The following ZFHX4 variants were observed in gnomAD, a reference collection of about 807,000 sequenced individuals.
The protein encoded by ZFHX4 is zinc finger homeobox protein 4.
In ZFHX4, 56 loss-of-function variants were observed where a neutral mutation model predicts 267.6. That is an observed-to-expected ratio of 0.21 (90% CI 0.17 to 0.26). The LOEUF is 0.26. Among genes scored for constraint, ZFHX4 ranks in the 10% least tolerant of loss-of-function variants. The pLI is 1.00. For missense variants in ZFHX4, 4,332 were observed against 4,420.0 expected, an observed-to-expected ratio of 0.98 and a Z score of 0.56; for synonymous variants, 1,778 against 1,665.6, an observed-to-expected ratio of 1.07 and a Z score of -1.64.
intron 4 of ZFHX4, among the ~76,000 whole-genome samples, chr8:76,829,942 C>T (rs1431599550): frequency 2.0e-5 from 3 of 151,898 alleles, no homozygotes; most frequent in East Asian, 1.9e-4. Context: ...CAAAAATGAA[C>T]GCTAGAAATA....
At chr8:76,692,775 A>G (rs1212963825) in intron 1 of ZFHX4, among the ~76,000 whole-genome samples, 6 of 152,256 alleles carry the variant, frequency 3.9e-5, no homozygotes. Flanking sequence ...TTATAATTTT[A>G]TGGGAAATCT....
At chr8:76,725,628 C>T (rs900393227) in intron 3 of ZFHX4, among the ~76,000 whole-genome samples, 2 of 152,224 alleles carry the variant, frequency 1.3e-5, no homozygotes, top group East Asian at 1.9e-4. Flanking sequence ...TGATCGTTAC[C>T]AGTTGATATA....
At chr8:76,728,783 C>G (rs1487210536) in intron 3 of ZFHX4, among the ~76,000 whole-genome samples, 1 of 152,062 alleles carries the variant, frequency 6.6e-6, no homozygotes, top group African/African-American at 2.4e-5. Context: ...GAAGTGATTA[C>G]CCTGAATTAT....
At position 76,704,539 on chromosome 8, in the gene ZFHX4, A is replaced by C. The variant is rs1387983188; in HGVS notation, c.451A>C (p.Asn151His). Reference sequence around the variant, plus strand: ...TGAGGACTCCAAAGAAAGTGGGCAGAATGCACAGACTGGGGCAAATAGCAA... The same window carrying C: ...TGAGGACTCCAAAGAAAGTGGGCAGCATGCACAGACTGGGGCAAATAGCAA... ...IIEDSKESGQ[N>H]AQTGANSKLF... Residue 151 changes from asparagine (N) to histidine (H), a missense_variant, in exon 2 of 11, where the codon AAT becomes CAT. Asn to His is a moderately conservative substitution (Grantham distance 68). This residue lies in a region of ZFHX4 where 1,195 missense variants were observed against 1,173.6 expected (regional missense o/e 1.02). Coordinates refer to ENST00000651372, the MANE Select transcript of ZFHX4 (RefSeq NM_024721.5). The C allele has an allele frequency of 6.2e-7, 1 of 1,614,010 alleles. No individual in the cohort carries two copies. The highest frequency in any genetic ancestry group is 1.1e-5 in the South Asian group (1 of 91,082).
At chr8:76,737,285 A>G (rs1315813416) in intron 3 of ZFHX4, among the ~76,000 whole-genome samples, 1 of 152,116 alleles carries the variant, frequency 6.6e-6, no homozygotes, top group East Asian at 1.9e-4. Context: ...AAATATTTCG[A>G]CTTTAAGAAA....
Position 76,747,813 on chromosome 8 carries a change from A to AC in ZFHX4, c.3094-30392dup, listed in dbSNP as rs530397338. Among the ~76,000 whole-genome samples the AC allele has an allele frequency of 4.9e-3, 750 of 152,028 alleles. 9 individuals are homozygous for AC. Among genetic ancestry groups the AC allele is most frequent in the African/African-American group, 0.017 (712 of 41,502 alleles). On this transcript the variant is annotated intron_variant, in intron 3 of 10. Coordinates refer to ENST00000651372, the MANE Select transcript of ZFHX4 (RefSeq NM_024721.5). ...TGGGCGTGGTGGCAAGCACCTGTAA[A>AC]CCCAGCTACTCAGGAGGCTGAAGCA...
intron 3 of ZFHX4, among the ~76,000 whole-genome samples, chr8:76,713,525 G>A (rs59808498): frequency 0.014 from 2,106 of 151,950 alleles, 45 homozygotes; most frequent in African/African-American, 0.048. Flanking sequence ...CAACGCCACC[G>A]TCTGCCTACA....
intron 3 of ZFHX4, among the ~76,000 whole-genome samples, chr8:76,744,612 C>T (rs147855651): frequency 0.012 from 1,825 of 151,964 alleles, 20 homozygotes; most frequent in Middle Eastern, 0.02. Context: ...AGGGTTTCAC[C>T]GTGTTGGCCA....
intron 3 of ZFHX4, among the ~76,000 whole-genome samples, chr8:76,745,295 A>G (rs1563497451): frequency 2.0e-5 from 3 of 152,170 alleles, no homozygotes; most frequent in Non-Finnish European, 4.4e-5. Flanking sequence ...GGAAAGCTAT[A>G]TTTTTTTGCC....
rs1808320467 is a variant in ZFHX4, at chr8:76,707,868, T to C, written c.2913T>C (p.Tyr971=). 1 of 1,614,054 alleles carries C rather than the reference T, an allele frequency of 6.2e-7. No individual in the cohort carries two copies. Among genetic ancestry groups the C allele is most frequent in the Non-Finnish European group, 8.5e-7 (1 of 1,179,946 alleles). The change falls in exon 3 of 11, where the codon TAT becomes TAC. Residue 971 remains tyrosine, a synonymous_variant. Coordinates refer to ENST00000651372, the MANE Select transcript of ZFHX4 (RefSeq NM_024721.5). ...HCKTDKHMQK[Y]QLVAHIKEGG... The stretch of plus-strand genomic sequence containing the variant: ...AGACTGATAAACATATGCAGAAATA[T>C]CAACTGGTGGCTCACATTAAAGAAG...
At chr8:76,857,493 C>G (rs950818709) in intron 10 of ZFHX4, among the ~76,000 whole-genome samples, 5 of 151,960 alleles carry the variant, frequency 3.3e-5, no homozygotes, top group Admixed American at 6.6e-5. Flanking sequence ...AAAATTGCCA[C>G]TGTGATCTTA....
chr8:76,831,918 T>C (rs555656137), intron 4 of ZFHX4, among the ~76,000 whole-genome samples: 1 of 152,006 alleles, frequency 6.6e-6, no homozygotes, highest in East Asian at 2.0e-4. Flanking sequence ...TGTGATTTAT[T>C]TGGAAGCTAC....
rs1808213141 is a variant in ZFHX4, at chr8:76,705,065, G to A, written c.977G>A (p.Gly326Asp). ...GTCTCCGCCATAATACAGGGGATTG[G>A]CAAAGACAAAGAACCTCTTATAAGC... ...KCVSAIIQGI[G>D]KDKEPLISFL... Residue 326 changes from glycine (G) to aspartate (D), a missense_variant, in exon 2 of 11, where the codon GGC (glycine) becomes GAC (aspartate). Physicochemically the swap from Gly to Asp is moderately conservative, Grantham distance 94. Coordinates refer to ENST00000651372, the MANE Select transcript of ZFHX4 (RefSeq NM_024721.5). The A allele has an allele frequency of 6.2e-7, 1 of 1,613,864 alleles. No homozygotes were observed. Among genetic ancestry groups the A allele is most frequent in the Non-Finnish European group, 8.5e-7 (1 of 1,179,874 alleles).
chr8:76,708,753 C>A (rs1396430167), intron 3 of ZFHX4, among the ~76,000 whole-genome samples: 1 of 152,132 alleles, frequency 6.6e-6, no homozygotes, highest in Non-Finnish European at 1.5e-5. Flanking sequence ...TGATGAACAC[C>A]ATTTATTACA....
At position 76,850,345 on chromosome 8, in the gene ZFHX4, G is replaced by A; in HGVS notation, c.3947G>A (p.Gly1316Glu). ...ACACCTGCAGCCGTGACAGCTGAGGGGTCTGGGAAATATTCAGGTATGCCA... is the reference window on the plus strand; with the variant it reads ...ACACCTGCAGCCGTGACAGCTGAGGAGTCTGGGAAATATTCAGGTATGCCA... The part of the protein sequence containing the change: ...RDTPAAVTAE[G>E]SGKYSGESPM... The change falls in exon 9 of 11, where the codon GGG becomes GAG. Residue 1316 changes from glycine (G) to glutamate (E), a missense_variant. By Grantham distance (98) the Gly-to-Glu change is moderately conservative (BLOSUM62 -2). Transcript: ENST00000651372. 1 of 1,611,818 alleles carries A rather than the reference G, an allele frequency of 6.2e-7. No homozygotes were observed.
At chr8:76,797,546 T>C (rs1409087675) in intron 4 of ZFHX4, among the ~76,000 whole-genome samples, 2 of 152,192 alleles carry the variant, frequency 1.3e-5, no homozygotes, top group Non-Finnish European at 2.9e-5. Context: ...GTATATTTTC[T>C]CAAAACTACA....
intron 4 of ZFHX4, among the ~76,000 whole-genome samples, chr8:76,801,479 A>G (rs1005405703): frequency 7.9e-5 from 12 of 152,152 alleles, no homozygotes; most frequent in African/African-American, 2.7e-4. Flanking sequence ...AGAGTAATGC[A>G]TCATTCAGTT....
chr8:76,715,289 G>A (rs1054433552), intron 3 of ZFHX4, among the ~76,000 whole-genome samples: 16 of 151,616 alleles, frequency 1.1e-4, no homozygotes, highest in African/African-American at 3.4e-4. Context: ...TCAGGAGTTC[G>A]AGACCAGCCT....
At position 76,704,338 on chromosome 8, in the gene ZFHX4, G is replaced by A. The variant is rs373874710; in HGVS notation, c.250G>A (p.Glu84Lys). Reference sequence around the variant, plus strand: ...CTCAGCAAAGGAGATACCCTGCAACGAATGTGCCACTTCTTTTCCCAGTTT... The same window carrying A: ...CTCAGCAAAGGAGATACCCTGCAACAAATGTGCCACTTCTTTTCCCAGTTT... ...VTSAKEIPCN[E>K]CATSFPSLQK... Residue 84 changes from glutamate to lysine, a missense_variant, in exon 2 of 11, where the codon GAA (glutamate) becomes AAA (lysine). Glu to Lys is a moderately conservative substitution (Grantham distance 56). Transcript: ENST00000651372. 22 of 1,614,000 alleles carry A rather than the reference G, an allele frequency of 1.4e-5. No individual in the cohort carries two copies. The highest frequency in any genetic ancestry group is 5.0e-5 in the Admixed American group (3 of 60,020).
Sources: gnomAD v4.1 joint callset for allele counts (sites outside exome capture counted in the v4.1 genomes callset) on GRCh38, gnomAD v4.1.1 for gene constraint, gnomAD v4.1.1 regional missense constraint, MANE v1.5 for transcripts, NCBI Gene and HGNC (gene_info 2026-07-23, HGNC 2026-07-21) for gene names.